MYO16: variants seen among roughly 807,000 people sequenced by gnomAD.
MYO16 encodes unconventional myosin-XVI.
Under a neutral mutation model 205.3 loss-of-function variants are expected in MYO16, and 94 were observed. The observed-to-expected ratio is 0.46, with a 90% CI of 0.39 to 0.54. The LOEUF is 0.54. Ranked by LOEUF, MYO16 falls within the 20% of genes least tolerant of loss-of-function variation. MYO16 has a pLI of 0.00. For missense variants in MYO16, 2,315 were observed against 2,387.5 expected, an observed-to-expected ratio of 0.97 and a Z score of 0.63; for synonymous variants, 988 against 954.0, an observed-to-expected ratio of 1.04 and a Z score of -0.66.
chr13:108,913,697 A>G (rs1256903013), intron 16 of MYO16, among the ~76,000 whole-genome samples: 1 of 152,232 alleles, frequency 6.6e-6, no homozygotes, highest in Non-Finnish European at 1.5e-5. Flanking sequence ...AGCAAACTAA[A>G]TATGGCTGGA....
chr13:109,005,206 A>G (rs1002211622), intron 21 of MYO16, among the ~76,000 whole-genome samples: 2 of 152,216 alleles, frequency 1.3e-5, no homozygotes, highest in African/African-American at 4.8e-5. Flanking sequence ...AATGACTTCT[A>G]TGACAACCAC....
At chr13:109,205,337 G>A (rs560753660) in intron 34 of MYO16, among the ~76,000 whole-genome samples, 6 of 152,304 alleles carry the variant, frequency 3.9e-5, no homozygotes, top group African/African-American at 1.4e-4. Context: ...GTAGGCTCAG[G>A]TGTTGGTGTT....
At chr13:109,032,720 T>A (rs1886582861) in intron 23 of MYO16, among the ~76,000 whole-genome samples, 1 of 152,146 alleles carries the variant, frequency 6.6e-6, no homozygotes. Context: ...CAGACACACA[T>A]GCATATTAGC....
chr13:109,048,923 C>T (rs1259739441), intron 24 of MYO16: 1 of 117,130 alleles, frequency 8.5e-6, no homozygotes, highest in Non-Finnish European at 1.6e-5. Context: ...TCATTAGTGC[C>T]TAAGATTAGA....
chr13:108,629,476 G>T, upstream of MYO16: 1 of 196,512 alleles, frequency 5.1e-6, no homozygotes, highest in Non-Finnish European at 1.0e-5. Context: ...TAACAGGCAG[G>T]ACCGGGAGAG....
At chr13:108,853,593 T>C (rs2139095939) in intron 10 of MYO16, among the ~76,000 whole-genome samples, 1 of 133,778 alleles carries the variant, frequency 7.5e-6, no homozygotes, top group African/African-American at 2.9e-5. Flanking sequence ...TTCTGAGATC[T>C]AGATTTTTTT....
chr13:108,741,993 T>G lies in MYO16; in HGVS notation c.507+14410T>G, dbSNP rs114613871. Among the ~76,000 whole-genome samples, 447 of 152,276 alleles carry G rather than the reference T, an allele frequency of 2.9e-3. 3 individuals are homozygous for G. Among genetic ancestry groups the G allele is most frequent in the African/African-American group, 0.01 (425 of 41,548 alleles). On this transcript the variant is annotated intron_variant, in intron 4 of 34. Transcript: ENST00000457511. ...CAATAAACTTATAATCCTTATTGTT[T>G]CCTTGTCTGTTTGTTTTTGAGACAG... is the stretch of plus-strand genomic sequence containing the variant.
At chr13:108,996,789 A>G (rs933481714) in intron 21 of MYO16, among the ~76,000 whole-genome samples, 6 of 152,228 alleles carry the variant, frequency 3.9e-5, no homozygotes, top group Admixed American at 1.3e-4. Flanking sequence ...TTAAGATTAT[A>G]TAAGTGTTAC....
the MYO16 span, among the ~76,000 whole-genome samples, chr13:108,523,714 C>A: frequency 6.6e-6 from 1 of 152,314 alleles, no homozygotes; most frequent in East Asian, 1.9e-4. Flanking sequence ...CATGCATGAA[C>A]CCTACAACAT....
the MYO16 span, among the ~76,000 whole-genome samples, chr13:108,577,388 G>A: frequency 6.6e-6 from 1 of 152,172 alleles, no homozygotes; most frequent in Admixed American, 6.5e-5. Context: ...TTACCATGTT[G>A]TTGTGTGCAT....
intron 33 of MYO16, among the ~76,000 whole-genome samples, chr13:109,170,227 G>C (rs1269220267): frequency 6.6e-6 from 1 of 151,910 alleles, no homozygotes; most frequent in Non-Finnish European, 1.5e-5. Flanking sequence ...ACAAAAGACA[G>C]CTGAAAAGAA....
intron 34 of MYO16, among the ~76,000 whole-genome samples, chr13:109,198,753 T>G (rs1880265579): frequency 6.6e-6 from 1 of 152,178 alleles, no homozygotes; most frequent in Non-Finnish European, 1.5e-5. Context: ...TTAAGACACC[T>G]GCATATGTGA....
At chr13:109,073,564 A>G (rs959901969) in intron 27 of MYO16, among the ~76,000 whole-genome samples, 3 of 152,196 alleles carry the variant, frequency 2.0e-5, no homozygotes, top group Admixed American at 6.5e-5. Flanking sequence ...ACAGAAATAC[A>G]TGCTTTTAAC....
intron 20 of MYO16, among the ~76,000 whole-genome samples, chr13:108,983,853 A>T (rs1240830349): frequency 6.6e-6 from 1 of 152,180 alleles, no homozygotes; most frequent in East Asian, 1.9e-4. Flanking sequence ...TTTGCAAAAC[A>T]GTTATGTTGA....
intron 27 of MYO16, among the ~76,000 whole-genome samples, chr13:109,078,966 G>T (rs1258730792): frequency 1.3e-5 from 2 of 152,114 alleles, no homozygotes; most frequent in African/African-American, 4.8e-5. Flanking sequence ...ACTGATCTGT[G>T]TTCTGCTTAT....
At chr13:108,502,849 T>C in the MYO16 span, among the ~76,000 whole-genome samples, 1 of 152,188 alleles carries the variant, frequency 6.6e-6, no homozygotes, top group Non-Finnish European at 1.5e-5. Flanking sequence ...ATCTTTATTA[T>C]TTGGAACAGA....
At chr13:109,155,225 C>G (rs1234597595) in intron 32 of MYO16, among the ~76,000 whole-genome samples, 1 of 152,156 alleles carries the variant, frequency 6.6e-6, no homozygotes, top group Non-Finnish European at 1.5e-5. Flanking sequence ...TCTCCTTCGA[C>G]TTGGCGGGGG....
intron 20 of MYO16, among the ~76,000 whole-genome samples, chr13:108,978,474 T>C (rs1398352741): frequency 6.6e-6 from 1 of 152,056 alleles, no homozygotes; most frequent in East Asian, 1.9e-4. Context: ...CTTTCTTTAT[T>C]AGGAAGATCA....
At chr13:108,566,713 A>G in the MYO16 span, among the ~76,000 whole-genome samples, 1 of 143,052 alleles carries the variant, frequency 7.0e-6, no homozygotes, top group Non-Finnish European at 1.5e-5. Flanking sequence ...GAGAAAGGAA[A>G]GGAGGAAGGA....
Sources: allele counts gnomAD v4.1 joint callset (sites outside exome capture counted in the v4.1 genomes callset), GRCh38; gene constraint gnomAD v4.1.1; transcripts MANE v1.5; gene names NCBI Gene and HGNC (gene_info 2026-07-23, HGNC 2026-07-21).